Variants in TTN observed in about 807,000 individuals in gnomAD.
TTN encodes the protein titin.
In TTN, 1,525 loss-of-function variants were observed where a neutral mutation model predicts 3,223.0. That is an observed-to-expected ratio of 0.47 (90% confidence interval 0.45 to 0.49). TTN has a LOEUF of 0.49. TTN is among the 20% of genes least tolerant of loss of function. TTN has a pLI of 0.00. For synonymous variants in TTN, 14,094 were observed against 15,161.0 expected (o/e 0.93, Z 5.17); for missense variants, 40,786 against 43,424.0 (o/e 0.94, Z 5.40).
At chr2:178,718,262 A>T (rs1356788220) in intron 85 of TTN, 41 bp from the exon 86 acceptor site, 3 of 1,594,918 alleles carry the variant, frequency 1.9e-6, no homozygotes, top group African/African-American at 2.7e-5. Context: ...CAGTCATGCC[A>T]TGTAAAAGAG....
chr2:178,694,774 G>T (rs1226694501), intron 116 of TTN, 55 bp downstream of exon 116: 2 of 1,491,294 alleles, frequency 1.3e-6, no homozygotes, highest in Non-Finnish European at 1.8e-6. Flanking sequence ...TGTGAGTATA[G>T]ATCAGTAAAC....
Position 178,544,481 on chromosome 2 carries a change from T to A in TTN, c.95748A>T (p.Pro31916=), listed in dbSNP as rs1018003300. The A allele has an allele frequency of 2.5e-6, 4 of 1,606,976 alleles. No individual in the cohort carries two copies. Among genetic ancestry groups the A allele is most frequent in the Admixed American group, 1.7e-5 (1 of 59,942 alleles). ...PSYTPGPPSA[P]RVVDTTKHSI... ...TGTGTTTGGTGGTATCCACAACTCT[T>A]GGAGCAGAAGGTGGTCCAGGGGTAT... is the stretch of plus-strand genomic sequence containing the variant. The change falls in exon 345 of 363, where the codon CCA becomes CCT. Residue 31916 remains proline, a synonymous_variant. Transcript: ENST00000589042.
At chr2:178,721,716 C>A (rs2078400605) in intron 78 of TTN, 131 bp downstream of exon 78, 1 of 980,070 alleles carries the variant, frequency 1.0e-6, no homozygotes, top group Non-Finnish European at 1.4e-6. Context: ...ATGTTGCCTC[C>A]AACACTAATA....
rs765723566 is a variant in TTN, at chr2:178,734,550, C to T, written c.15274G>A (p.Ala5092Thr). The change falls in exon 52 of 363, where the codon GCT (alanine) becomes ACT (threonine). Residue 5092 changes from alanine to threonine, a missense_variant. Ala to Thr is a moderately conservative substitution (Grantham distance 58, BLOSUM62 0). Transcript: ENST00000589042. ...EPADIVRGTN[A>T]LLQCEVSGTG... Reference sequence around the variant, plus strand: ...CCTGAGACTTCACACTGAAGTAGAGCATTTGTTCCTCTCACTATGTCTGCA... The same window carrying T: ...CCTGAGACTTCACACTGAAGTAGAGTATTTGTTCCTCTCACTATGTCTGCA... 5.0e-6 allele frequency: 8 copies of T among 1,605,134 alleles called. No homozygotes were observed. In the South Asian group the frequency reaches 8.9e-5, roughly 18 times the overall value.
At chr2:178,714,914 G>A in intron 90 of TTN, 72 bp downstream of exon 90, 1 of 1,530,932 alleles carries the variant, frequency 6.5e-7, no homozygotes, top group Non-Finnish European at 8.8e-7. Flanking sequence ...GACTGGGCTG[G>A]GGTGGAGGGG....
Position 178,777,248 on chromosome 2 carries a change from C to T in TTN, c.4715G>A (p.Arg1572Gln), listed in dbSNP as rs12476289. 84,543 of 1,613,960 alleles carry T rather than the reference C, an allele frequency of 0.052. 3,764 individuals are homozygous for T. Among genetic ancestry groups the T allele is most frequent in the Admixed American group, 0.2 (12,284 of 59,988 alleles). The change falls in exon 27 of 363, where the codon CGA (arginine) becomes CAA (glutamine). Residue 1572 changes from arginine (R) to glutamine (Q), a missense_variant. By Grantham distance (43) the Arg-to-Gln change is conservative. Transcript: ENST00000589042. ...CGTAGCTCTGACTTTCATTTCAAGT[C>T]GGGAACCTTCCTTTATATTGACATT... ...LKNVNIKEGS[R>Q]LEMKVRATGN...
chr2:178,793,446 T>C lies in TTN; in HGVS notation c.1494A>G (p.Val498=), dbSNP rs2093616787. ...GCATCTGCTCTTGCTTTGTGGTAAT[T>C]ACTTCTTTGGTTCTTGATTTTAATT... ...EQELKSRTKE[V]ITTKQEQMHV... is the part of the protein sequence containing the mutation. The change falls in exon 9 of 363, where the codon GTA becomes GTG. Residue 498 remains valine (V), a synonymous_variant. Transcript: ENST00000589042. The C allele has an allele frequency of 1.9e-6, 3 of 1,614,016 alleles. No individual in the cohort carries two copies. Among genetic ancestry groups the C allele is most frequent in the African/African-American group, 1.3e-5 (1 of 74,914 alleles).
rs138888307 is a variant in TTN, at chr2:178,547,061, A to G, written c.94464T>C (p.Ala31488=). Reference sequence around the variant, plus strand: ...CTTCGCTGGCCTTGCTAACACCTGCAGCATTGAGTGCATAAGTTCTGAACT... The same window carrying G: ...CTTCGCTGGCCTTGCTAACACCTGCGGCATTGAGTGCATAAGTTCTGAACT... ...EYQFRTYALN[A]AGVSKASEAS... The change falls in exon 340 of 363, where the codon GCT becomes GCC. Residue 31488 remains alanine, a synonymous_variant. Coordinates refer to ENST00000589042, the MANE Select transcript of TTN (RefSeq NM_001267550.2). 75 of 1,613,816 alleles carry G rather than the reference A, an allele frequency of 4.6e-5. No individual in the cohort carries two copies. The African/African-American group carries it at 9.2e-4, about 20-fold the overall frequency.
rs1198364572 is a variant in TTN at position 178,671,132 on chromosome 2, G to GT, written c.35265dup (p.Pro11756ThrfsTer4). Reference sequence around the variant, plus strand: ...TTTCGAGGAACAACTTTAGTGGGCGGTTTTTTTGGAGGGATGATTTTCTCA... The same window carrying GT: ...TTTCGAGGAACAACTTTAGTGGGCGGTTTTTTTTGGAGGGATGATTTTCTCA... On this transcript the variant is annotated frameshift_variant, in exon 156 of 363. Transcript: ENST00000589042. LOFTEE classifies it high-confidence loss of function. 2 of 1,603,842 alleles carry GT rather than the reference G, an allele frequency of 1.2e-6. No individual in the cohort carries two copies. Among genetic ancestry groups the GT allele is most frequent in the Non-Finnish European group, 8.5e-7 (1 of 1,175,788 alleles).
chr2:178,640,802 TC>T (rs2061146940), intron 220 of TTN, among the ~76,000 whole-genome samples, 172 bp from the exon 221 acceptor site: 1 of 151,946 alleles, frequency 6.6e-6, no homozygotes, highest in Admixed American at 6.6e-5. Context: ...TTATTTTTCT[TC>T]CTTTTATTCC....
Position 178,535,783 on chromosome 2 carries a change from T to A in TTN, c.100832A>T (p.Glu33611Val), listed in dbSNP as rs2154136906. 1 of 1,612,676 alleles carries A rather than the reference T, an allele frequency of 6.2e-7. No homozygotes were observed. The highest frequency in any genetic ancestry group is 1.1e-5 in the South Asian group (1 of 91,052). Reference sequence around the variant, plus strand: ...GAAAGGAATCTTGATGCTGACCACTTCACCTCGGAGAGCATGAACTGCTCC... The same window carrying A: ...GAAAGGAATCTTGATGCTGACCACTACACCTCGGAGAGCATGAACTGCTCC... ...GMGAVHALRG[E>V]VVSIKIPFSG... Residue 33611 changes from glutamate (E) to valine (V), a missense_variant, in exon 358 of 363, where the codon GAA becomes GTA. Glu to Val is a moderately radical substitution (Grantham distance 121). Transcript: ENST00000589042.
At chr2:178,686,160 G>A (rs1207075581) in intron 127 of TTN, among the ~76,000 whole-genome samples, 89 of 103,280 alleles carry the variant, frequency 8.6e-4, no homozygotes, top group South Asian at 1.5e-3. Flanking sequence ...TCGCTCTGTC[G>A]CCCAGGCTGG....
rs1691183191 is a variant in TTN at position 178,535,838 on chromosome 2, T to C, written c.100777A>G (p.Ile33593Val). The C allele has an allele frequency of 6.4e-7, 1 of 1,571,620 alleles. No individual in the cohort carries two copies. ...ASLEVEVPAK[I>V]HLPKTLEGMG... ...CCTTCAAGAGTTTTAGGTAAGTGTA[T>C]CTTAGCTGGAACTGTATCAGAAAAA... Residue 33593 changes from isoleucine (I) to valine (V), a missense_variant, in exon 358 of 363, where the codon ATA (isoleucine) becomes GTA (valine). Ile to Val is a conservative substitution (Grantham distance 29). Transcript: ENST00000589042.
chr2:178,554,849 T>C lies in TTN; in HGVS notation c.88594+16A>G, dbSNP rs1465415804. 1 of 1,613,624 alleles carries C rather than the reference T, an allele frequency of 6.2e-7. No homozygotes were observed. Among genetic ancestry groups the C allele is most frequent in the Non-Finnish European group, 8.5e-7 (1 of 1,179,744 alleles). On this transcript the variant is annotated intron_variant, in intron 331 of 362. Transcript: ENST00000589042. ...AGGCAAATGTAATATGACAGTGGTC[T>C]GTATTCAGCACCTACCAAGGATCTG...
intron 33 of TTN, 130 bp from the exon 34 acceptor site, chr2:178,771,601 T>C (rs1173082275): frequency 7.5e-7 from 1 of 1,329,854 alleles, no homozygotes; most frequent in South Asian, 1.3e-5. Context: ...TCTATGATTG[T>C]TTTTACCCAT....
At position 178,680,321 on chromosome 2, in the gene TTN, C is replaced by A. The variant is rs765233217; in HGVS notation, c.33351G>T (p.Lys11117Asn). 3.7e-6 allele frequency: 6 copies of A among 1,608,768 alleles called. No homozygotes were observed. The highest frequency in any genetic ancestry group is 5.1e-6 in the Non-Finnish European group (6 of 1,178,412). ...VTEPAAKVPM[K>N]PKRVVAEEKV... ...TTTCTTCTGCGACAACCCTCTTGGG[C>A]TTCATGGGCACTTGAAATATGAAGT... Residue 11117 changes from lysine to asparagine, a missense_variant, in exon 139 of 363, where the codon AAG becomes AAT. Physicochemically the swap from Lys to Asn is moderately conservative, Grantham distance 94 (BLOSUM62 0). Coordinates refer to ENST00000589042, the MANE Select transcript of TTN (RefSeq NM_001267550.2).
In TTN at chr2:178,575,620, T is replaced by G; in HGVS notation, c.70512A>C (p.Glu23504Asp). The G allele has an allele frequency of 6.2e-7, 1 of 1,613,618 alleles. No homozygotes were observed. Among genetic ancestry groups the G allele is most frequent in the Non-Finnish European group, 8.5e-7 (1 of 1,179,646 alleles). The change falls in exon 326 of 363, where the codon GAA (glutamate) becomes GAC (aspartate). Residue 23504 changes from glutamate (E) to aspartate (D), a missense_variant. Glu to Asp is a conservative substitution (Grantham distance 45, BLOSUM62 2). Transcript: ENST00000589042. This position sits in a 1 kb window ranked among gnomAD's most constrained non-coding sequence, Gnocchi z 4.0. ...YKVTGLSEGC[E>D]YFFRVMAENE... ...TCTCTGCCATCACTCTGAAGAAATA[T>G]TCACACCCTTCAGACAAGCCGGTAA...
intron 34 of TTN, 81 bp downstream of exon 34, chr2:178,771,130 T>C: frequency 3.1e-6 from 5 of 1,596,124 alleles, no homozygotes; most frequent in Non-Finnish European, 3.4e-6. Flanking sequence ...GTATCCAAAA[T>C]GGCCATATCG....
In TTN at chr2:178,653,041, C is replaced by G. The variant is rs752793817; in HGVS notation, c.38875G>C (p.Val12959Leu). The part of the protein sequence containing the change: ...PKKPEVPPVK[V>L]PEAPIEVVPE... The stretch of plus-strand genomic sequence containing the variant: ...GAAGCCTAAAGCCAGTGACAAATAC[C>G]TTTAACAGGTGGGACTTCAGGTTTT... The change falls in exon 199 of 363, where the codon GTG (valine) becomes CTG (leucine). Residue 12959 changes from valine (V) to leucine (L), a missense_variant and splice_region_variant. Val to Leu is a conservative substitution (Grantham distance 32). Transcript: ENST00000589042. The G allele has an allele frequency of 9.9e-6, 16 of 1,613,020 alleles. No homozygotes were observed. The highest frequency in any genetic ancestry group is 1.2e-5 in the Non-Finnish European group (14 of 1,179,516).
Sources: gnomAD v4.1 joint callset for allele counts (sites outside exome capture counted in the v4.1 genomes callset) on GRCh38, gnomAD v4.1.1 for gene constraint, Gnocchi (gnomAD v3.1) non-coding constraint, MANE v1.5 for transcripts, NCBI Gene and HGNC (gene_info 2026-07-23, HGNC 2026-07-21) for gene names.